The following MINAR1 variants were observed in gnomAD, a reference collection of about 807,000 sequenced individuals.
The protein encoded by MINAR1 is major intrinsically disordered Notch2-binding receptor 1.
A neutral mutation model predicts 65.1 loss-of-function variants in MINAR1; 40 were observed. The observed-to-expected ratio is 0.61, with a 90% confidence interval of 0.48 to 0.80. The LOEUF is 0.80. MINAR1 is among the 30% of genes least tolerant of loss of function. The pLI is 0.00. For missense variants in MINAR1, 1,128 were observed against 1,148.0 expected (o/e 0.98, Z 0.25); for synonymous variants, 482 against 449.1 (o/e 1.07, Z -0.93).
rs1316097389 is a variant in MINAR1, at chr15:79,463,860, T to C, written c.2553+539T>C. On this transcript the variant is annotated intron_variant, in intron 3 of 3. Transcript: ENST00000305428. ...GGCTGGGTTTTGGCCACACTTTTAT[T>C]TTGGTGGGCAGCTCTGCCTGGTTCC... is the stretch of plus-strand genomic sequence containing the variant. 1.2e-5 allele frequency: 5 copies of C among 422,812 alleles called. No individual in the cohort carries two copies. In the East Asian group the frequency reaches 3.5e-4, roughly 30 times the overall value. 26.2% of individuals were successfully genotyped at this position (422,812 alleles called of 1,614,324 possible).
At chr15:79,452,282 G>C (rs1464753566) in intron 1 of MINAR1, among the ~76,000 whole-genome samples, 1 of 152,122 alleles carries the variant, frequency 6.6e-6, no homozygotes, top group Non-Finnish European at 1.5e-5. Flanking sequence ...AGGTCTGTGT[G>C]AGTGTGAAGC....
intron 1 of MINAR1, among the ~76,000 whole-genome samples, chr15:79,433,801 C>A (rs1894519948): frequency 6.6e-6 from 1 of 152,222 alleles, no homozygotes; most frequent in African/African-American, 2.4e-5. Flanking sequence ...CAGGTGGAAG[C>A]TAGCTCACTG....
At chr15:79,461,001 G>A (rs143487539) in intron 2 of MINAR1, among the ~76,000 whole-genome samples, 60 of 152,202 alleles carry the variant, frequency 3.9e-4, no homozygotes, top group African/African-American at 1.4e-3. Context: ...ACTGATCTAA[G>A]TCCTATGCTC....
At chr15:79,412,769 T>A in the MINAR1 span, 1 of 152,616 alleles carries the variant, frequency 6.6e-6, no homozygotes, top group Non-Finnish European at 1.5e-5. Flanking sequence ...GAGGACAGAT[T>A]CCACTGCCAC....
At position 79,456,958 on chromosome 15, in the gene MINAR1, T is replaced by A. The variant is rs1312326308; in HGVS notation, c.811T>A (p.Ser271Thr). 6.2e-7 allele frequency: 1 copy of A among 1,613,938 alleles called. No individual in the cohort carries two copies. Among genetic ancestry groups the A allele is most frequent in the Non-Finnish European group, 8.5e-7 (1 of 1,180,012 alleles). The change falls in exon 2 of 4, where the codon TCC (serine) becomes ACC (threonine). Residue 271 changes from serine (S) to threonine (T), a missense_variant. Ser to Thr is a moderately conservative substitution (Grantham distance 58). Coordinates refer to ENST00000305428, the MANE Select transcript of MINAR1 (RefSeq NM_015206.3). ...GGATTTTCACAATTTGATGGCAGTG[T>A]CCCCCAGTTTGGTTGGCCCCATCAG... ...KEDFHNLMAV[S>T]PSLVGPISKA...
chr15:79,427,736 C>T (rs1894345332), upstream of MINAR1, among the ~76,000 whole-genome samples: 1 of 152,184 alleles, frequency 6.6e-6, no homozygotes, highest in Non-Finnish European at 1.5e-5. Context: ...TTGTGCATGA[C>T]ATATATCCTT....
the MINAR1 span, chr15:79,415,543 G>A: frequency 1.3e-5 from 2 of 152,206 alleles, no homozygotes. Context: ...TGAAGTTGCA[G>A]ACCAAAATCG....
chr15:79,431,934 T>A (rs145197330), upstream of MINAR1, among the ~76,000 whole-genome samples: 95 of 152,256 alleles, frequency 6.2e-4, no homozygotes, highest in East Asian at 0.015. Context: ...GGCACCCCCT[T>A]GGCGCGACGC....
In MINAR1 at chr15:79,458,252, G is replaced by A. The variant is rs774871672; in HGVS notation, c.2105G>A (p.Ser702Asn). 31 of 1,613,966 alleles carry A rather than the reference G, an allele frequency of 1.9e-5. No homozygotes were observed. Among genetic ancestry groups the A allele is most frequent in the East Asian group, 1.3e-4 (6 of 44,878 alleles). The change falls in exon 2 of 4, where the codon AGC becomes AAC. Residue 702 changes from serine (S) to asparagine (N), a missense_variant. Ser to Asn is a conservative substitution (Grantham distance 46). Coordinates refer to ENST00000305428, the MANE Select transcript of MINAR1 (RefSeq NM_015206.3). ...CTGCGGGTCAAGGCCTTAAAAAAAA[G>A]CCTCTTCACCAGGCCATCCTCTAGG... ...ESLRVKALKK[S>N]LFTRPSSRSL...
At chr15:79,433,003 A>C (rs537130758) in intron 1 of MINAR1, among the ~76,000 whole-genome samples, 1 of 152,318 alleles carries the variant, frequency 6.6e-6, no homozygotes, top group South Asian at 2.1e-4. Flanking sequence ...TCCAATTCTT[A>C]AATTGAGATT....
chr15:79,412,064 AACCAC>A, the MINAR1 span: 1 of 142,922 alleles, frequency 7.0e-6, no homozygotes, highest in Admixed American at 6.9e-5. Flanking sequence ...TGTGCTGGCA[AACCAC>A]ACCATGTTTG....
intron 1 of MINAR1, among the ~76,000 whole-genome samples, chr15:79,449,694 G>C (rs925350510): frequency 6.6e-6 from 1 of 152,178 alleles, no homozygotes; most frequent in Non-Finnish European, 1.5e-5. Flanking sequence ...TCCTGGGAAG[G>C]GGTCTTAAAG....
rs138473970 is a variant in MINAR1, at chr15:79,455,034, G to A, written c.-50-1064G>A. Among the ~76,000 whole-genome samples the A allele has an allele frequency of 2.2e-4, 33 of 152,290 alleles. No individual in the cohort carries two copies. The East Asian group carries it at 2.7e-3, about 12-fold the overall frequency. On this transcript the variant is annotated intron_variant, in intron 1 of 3. Coordinates refer to ENST00000305428, the MANE Select transcript of MINAR1 (RefSeq NM_015206.3). The stretch of plus-strand genomic sequence containing the variant: ...TGAAGTGAATCAAAAAAATAAGAAA[G>A]CTTGATGATGAATATATGGATAGAT...
chr15:79,465,546 T>C (rs1895809296), intron 3 of MINAR1, among the ~76,000 whole-genome samples: 1 of 152,128 alleles, frequency 6.6e-6, no homozygotes, highest in South Asian at 2.1e-4. Context: ...TTAAAAATAG[T>C]TTATTTCACA....
chr15:79,440,457 G>T (rs867247157), intron 1 of MINAR1, among the ~76,000 whole-genome samples: 68 of 152,208 alleles, frequency 4.5e-4, no homozygotes, highest in African/African-American at 1.6e-3. Flanking sequence ...CCTGGGGCAG[G>T]ATGAGGACCA....
chr15:79,429,132 A>C (rs1203906662), upstream of MINAR1, among the ~76,000 whole-genome samples: 1 of 152,306 alleles, frequency 6.6e-6, no homozygotes, highest in African/African-American at 2.4e-5. Context: ...AAGAAGTTCA[A>C]ATGAAGGATT....
intron 3 of MINAR1, chr15:79,463,611 C>A: frequency 1.6e-6 from 1 of 611,892 alleles, no homozygotes; most frequent in Admixed American, 2.1e-5. Flanking sequence ...GACTCTGTAC[C>A]AAGTGCAGAT....
intron 3 of MINAR1, among the ~76,000 whole-genome samples, chr15:79,464,398 T>C (rs1015932755): frequency 2.6e-5 from 4 of 152,222 alleles, no homozygotes; most frequent in Non-Finnish European, 5.9e-5. Flanking sequence ...TTACAGTCTC[T>C]CAGTTCCAGG....
At position 79,457,349 on chromosome 15, in the gene MINAR1, A is replaced by G. The variant is rs1261293158; in HGVS notation, c.1202A>G (p.Gln401Arg). 6.2e-7 allele frequency: 1 copy of G among 1,614,098 alleles called. No individual in the cohort carries two copies. Among genetic ancestry groups the G allele is most frequent in the East Asian group, 2.2e-5 (1 of 44,898 alleles). The change falls in exon 2 of 4, where the codon CAG becomes CGG. Residue 401 changes from glutamine to arginine, a missense_variant. Physicochemically the swap from Gln to Arg is conservative, Grantham distance 43. Coordinates refer to ENST00000305428, the MANE Select transcript of MINAR1 (RefSeq NM_015206.3). ...EKLHYPNASS[Q>R]TPNFPAPERR... ...CTACACTATCCAAATGCCAGTAGCC[A>G]GACCCCCAATTTCCCAGCCCCAGAA... is the stretch of plus-strand genomic sequence containing the variant.
Sources: gnomAD v4.1 joint callset for allele counts (sites outside exome capture counted in the v4.1 genomes callset) on GRCh38, gnomAD v4.1.1 for gene constraint, MANE v1.5 for transcripts, NCBI Gene and HGNC (gene_info 2026-07-23, HGNC 2026-07-21) for gene names.